KDM6A: variants seen among roughly 807,000 people sequenced by gnomAD.
KDM6A encodes lysine-specific demethylase 6A.
In KDM6A, 11 loss-of-function variants were observed where a neutral mutation model predicts 117.6. The observed-to-expected ratio is 0.09, with a 90% CI of 0.06 to 0.15. KDM6A has a LOEUF of 0.15. Ranked by LOEUF, KDM6A falls within the 10% of genes least tolerant of loss-of-function variation. KDM6A has a pLI of 1.00. For synonymous variants in KDM6A, 384 were observed against 396.1 expected (o/e 0.97, Z 0.36); for missense variants, 799 against 1,077.3 (o/e 0.74, Z 3.62).
chrX:45,106,571 C>T (rs1204192942), intron 27 of KDM6A: 1 of 342,637 alleles, frequency 2.9e-6, no homozygotes, highest in South Asian at 2.6e-5. Flanking sequence ...AATTTTAGAG[C>T]TGAAAAGTGC....
At chrX:44,881,308 G>GTAA (rs1296654863) in intron 2 of KDM6A, among the ~76,000 whole-genome samples, 16 of 111,884 alleles carry the variant, frequency 1.4e-4, no homozygotes, top group Admixed American at 1.3e-3. Flanking sequence ...GCGCGTACCT[G>GTAA]TAATCCCAGC....
chrX:44,999,417 A>G (rs923605466), intron 4 of KDM6A, among the ~76,000 whole-genome samples: 2 of 110,686 alleles, frequency 1.8e-5, no homozygotes, highest in Admixed American at 9.7e-5. Context: ...CTGATTGGCT[A>G]AAGAGAGTGA....
chrX:45,066,747 T>C (rs1287920812), intron 17 of KDM6A, among the ~76,000 whole-genome samples: 1 of 112,020 alleles, frequency 8.9e-6, no homozygotes, highest in Non-Finnish European at 1.9e-5. Context: ...CTTAACCCTG[T>C]TTTGGAAATG....
intron 2 of KDM6A, among the ~76,000 whole-genome samples, chrX:44,953,842 G>A (rs987208733): frequency 1.8e-5 from 2 of 111,125 alleles, no homozygotes; most frequent in Non-Finnish European, 3.8e-5. Flanking sequence ...AGGCCAAGGC[G>A]GGTGGATCGT....
intron 6 of KDM6A, among the ~76,000 whole-genome samples, chrX:45,025,577 G>A (rs1490180469): frequency 6.2e-5 from 7 of 112,362 alleles, no homozygotes; most frequent in Admixed American, 3.8e-4. Context: ...TATTACTGTT[G>A]ACAGATAGTT....
At chrX:45,065,310 A>G (rs1441035133) in intron 17 of KDM6A, among the ~76,000 whole-genome samples, 1 of 111,726 alleles carries the variant, frequency 9.0e-6, no homozygotes, top group Non-Finnish European at 1.9e-5. Flanking sequence ...AAGGAGTGAG[A>G]AGAGAGAGAA....
chrX:44,972,730 G>A (rs986322901), intron 3 of KDM6A, among the ~76,000 whole-genome samples: 1 of 111,004 alleles, frequency 9.0e-6, no homozygotes, highest in Non-Finnish European at 1.9e-5. Flanking sequence ...GAGAGAGTGG[G>A]TTATTCAGAA....
chrX:45,064,958 C>G (rs779960231), intron 17 of KDM6A, among the ~76,000 whole-genome samples: 4 of 111,598 alleles, frequency 3.6e-5, no homozygotes, highest in Non-Finnish European at 7.5e-5. Context: ...TGAGATGTCT[C>G]TACTTGGTGT....
Position 44,986,438 on chromosome X carries a change from C to G in KDM6A, c.384+11723C>G, listed in dbSNP as rs750858285. On this transcript the variant is annotated intron_variant, in intron 4 of 29. Coordinates refer to ENST00000611820, the MANE Select transcript of KDM6A (RefSeq NM_001291415.2). ...AGTTCTGCTCTGATCTTAGTTATTTCTTGCCTTCTGCTAGCTTTTGAATGT... is the reference window on the plus strand; with the variant it reads ...AGTTCTGCTCTGATCTTAGTTATTTGTTGCCTTCTGCTAGCTTTTGAATGT... 4.5e-5 allele frequency among the ~76,000 whole-genome samples: 5 copies of G among 111,140 alleles called. No individual in the cohort carries two copies. In the East Asian group the frequency reaches 1.4e-3, roughly 31 times the overall value.
chrX:44,892,585 A>G (rs7059048), intron 2 of KDM6A, among the ~76,000 whole-genome samples: 24,270 of 110,806 alleles, frequency 0.22, 4,346 homozygotes, highest in African/African-American at 0.61. Flanking sequence ...CCAGCTACTC[A>G]GGAGGCTGAG....
At chrX:44,953,927 T>G (rs2038167055) in intron 2 of KDM6A, among the ~76,000 whole-genome samples, 1 of 110,096 alleles carries the variant, frequency 9.1e-6, no homozygotes, top group Admixed American at 9.7e-5. Context: ...CGTGGTGGCG[T>G]GTGCCTGTAG....
chrX:45,083,512 G>C lies in KDM6A; in HGVS notation c.3493G>C (p.Val1165Leu), dbSNP rs367925808. The C allele has an allele frequency of 8.3e-7, 1 of 1,207,322 alleles. No individual in the cohort carries two copies. Among genetic ancestry groups the C allele is most frequent in the South Asian group, 1.8e-5 (1 of 56,832 alleles). ...TAAACTTCCTGCTTTTGTGCGTGTC[G>C]TATCAGCAGGAAATCTTCTAAGCCA... is the stretch of plus-strand genomic sequence containing the variant. ...LTKLPAFVRVVSAGNLLSHVG... is the reference protein window; with the variant it reads ...LTKLPAFVRVLSAGNLLSHVG... Residue 1165 changes from valine (V) to leucine (L), a missense_variant, in exon 24 of 30, where the codon GTA becomes CTA. By Grantham distance (32) the Val-to-Leu change is conservative (BLOSUM62 1). Coordinates refer to ENST00000611820, the MANE Select transcript of KDM6A (RefSeq NM_001291415.2).
chrX:45,063,856 A>G (rs373229689), intron 17 of KDM6A, 39 bp downstream of exon 17: 16 of 1,110,503 alleles, frequency 1.4e-5, no homozygotes, highest in Non-Finnish European at 2.0e-5. Context: ...CTTTTCACAT[A>G]AATGTTTTTA....
chrX:44,937,783 G>A (rs2037061879), intron 2 of KDM6A, among the ~76,000 whole-genome samples: 1 of 112,078 alleles, frequency 8.9e-6, no homozygotes, highest in Non-Finnish European at 1.9e-5. Flanking sequence ...TAAGCTTAGT[G>A]AGGAAGGTCA....
At chrX:45,020,842 A>G in intron 6 of KDM6A, 112 bp downstream of exon 6, 1 of 901,368 alleles carries the variant, frequency 1.1e-6, no homozygotes, top group Non-Finnish European at 1.6e-6. Context: ...TTGGCACTTT[A>G]AAAGAAAATT....
intron 9 of KDM6A, among the ~76,000 whole-genome samples, chrX:45,052,806 C>T (rs1307377249): frequency 9.0e-6 from 1 of 111,587 alleles, no homozygotes; most frequent in Non-Finnish European, 1.9e-5. Flanking sequence ...GATCCCACCT[C>T]AGCCCCCCGA....
intron 4 of KDM6A, among the ~76,000 whole-genome samples, chrX:44,995,606 G>C (rs753662983): frequency 9.1e-6 from 1 of 109,935 alleles, no homozygotes; most frequent in Non-Finnish European, 1.9e-5. Context: ...CGAGTAGCTG[G>C]GACTAAGGCT....
intron 2 of KDM6A, among the ~76,000 whole-genome samples, chrX:44,956,382 T>C (rs1431082452): frequency 9.0e-6 from 1 of 111,162 alleles, no homozygotes; most frequent in Non-Finnish European, 1.9e-5. Context: ...TCCTTTTCTT[T>C]TTCCTCTTCC....
At position 44,880,289 on chromosome X, in the gene KDM6A, TCTTAA is replaced by T. The variant is rs200832464; in HGVS notation, c.225+6306_225+6310del. 8.2e-3 allele frequency among the ~76,000 whole-genome samples: 913 copies of T among 110,849 alleles called. 6 individuals are homozygous for T. The highest frequency in any genetic ancestry group is 0.023 in the South Asian group (62 of 2,665). ...TAGTAATATTTACCTTGTTATGAGT[TCTTAA>T]CTTGAGATTCTTAAATGAGTGTTCA... On this transcript the variant is annotated intron_variant, in intron 2 of 29. Transcript: ENST00000611820.
Sources: allele counts gnomAD v4.1 joint callset (sites outside exome capture counted in the v4.1 genomes callset), GRCh38; gene constraint gnomAD v4.1.1; transcripts MANE v1.5; gene names NCBI Gene and HGNC (gene_info 2026-07-23, HGNC 2026-07-21).